Variants in KAZN observed in about 807,000 individuals in gnomAD.
KAZN encodes kazrin.
KAZN carries 40 observed loss-of-function variants against 87.4 expected under a neutral mutation model. The ratio of observed to expected loss-of-function variants is 0.46; its 90% confidence interval spans 0.36 to 0.60. The LOEUF is 0.60. KAZN is among the 20% of genes least tolerant of loss of function. KAZN has a pLI of 0.00. For synonymous variants in KAZN, 466 were observed against 458.3 expected, an observed-to-expected ratio of 1.02 and a Z score of -0.22; for missense variants, 898 against 1,073.9, an observed-to-expected ratio of 0.84 and a Z score of 2.29.
intron 2 of KAZN, among the ~76,000 whole-genome samples, chr1:14,291,401 C>T (rs1442680288): frequency 6.6e-6 from 1 of 152,212 alleles, no homozygotes; most frequent in Non-Finnish European, 1.5e-5. Flanking sequence ...GTGGACACCC[C>T]TCCCCCAGCC....
At chr1:14,180,150 C>T (rs1309998680) in intron 1 of KAZN, among the ~76,000 whole-genome samples, 1 of 151,800 alleles carries the variant, frequency 6.6e-6, no homozygotes, top group Non-Finnish European at 1.5e-5. Context: ...TAAGTTTCTG[C>T]AACAGGACTA....
At chr1:14,142,374 A>G (rs1051345207) in intron 1 of KAZN, among the ~76,000 whole-genome samples, 2 of 152,252 alleles carry the variant, frequency 1.3e-5, no homozygotes, top group Non-Finnish European at 1.5e-5. Flanking sequence ...TGTTCCTAAC[A>G]GCAAATGTAA....
At chr1:14,216,837 GA>G in intron 2 of KAZN, among the ~76,000 whole-genome samples, 1 of 152,278 alleles carries the variant, frequency 6.6e-6, no homozygotes, top group South Asian at 2.1e-4. Flanking sequence ...CCAGGAGGCG[GA>G]GGCTTCAGTG....
At chr1:14,150,568 C>T (rs533616676) in intron 1 of KAZN, among the ~76,000 whole-genome samples, 1 of 152,156 alleles carries the variant, frequency 6.6e-6, no homozygotes, top group African/African-American at 2.4e-5. Flanking sequence ...TTACATCTTG[C>T]ATGTGATACA....
In KAZN at chr1:14,694,350, G is replaced by T. The variant is rs144241758; in HGVS notation, c.226+95127G>T. ...AAAGGAAGAAGGAAAACTGCATCTA[G>T]AAAATACTTTTTTAAGTTGGAGGGT... is the stretch of plus-strand genomic sequence containing the variant. On this transcript the variant is annotated intron_variant, in intron 1 of 14. Transcript: ENST00000376030. 8.2e-3 allele frequency among the ~76,000 whole-genome samples: 1,250 copies of T among 152,352 alleles called. 22 individuals carry two copies. Among genetic ancestry groups the T allele is most frequent in the African/African-American group, 0.028 (1,173 of 41,582 alleles).
rs539241295 is a variant in KAZN at position 14,681,413 on chromosome 1, G to A, written c.226+82190G>A. Among the ~76,000 whole-genome samples the A allele has an allele frequency of 6.6e-5, 10 of 151,176 alleles. No homozygotes were observed. In the South Asian group the frequency reaches 1.0e-3, roughly 16 times the overall value. On this transcript the variant is annotated intron_variant, in intron 1 of 14. Coordinates refer to ENST00000376030, the MANE Select transcript of KAZN (RefSeq NM_201628.3). Reference sequence around the variant, plus strand: ...TAGGACTGGAATGGTGAGGTTGCCCGTGGGTGACTCATTGCAGCCAGCCCA... The same window carrying A: ...TAGGACTGGAATGGTGAGGTTGCCCATGGGTGACTCATTGCAGCCAGCCCA...
intron 1 of KAZN, among the ~76,000 whole-genome samples, chr1:14,708,676 G>A (rs1043556769): frequency 3.3e-5 from 5 of 152,168 alleles, no homozygotes; most frequent in South Asian, 2.1e-4. Context: ...GAACAGCCCC[G>A]GCTTCAGATC....
At chr1:14,520,905 C>T (rs1463086315) in intron 2 of KAZN, among the ~76,000 whole-genome samples, 1 of 152,232 alleles carries the variant, frequency 6.6e-6, no homozygotes, top group Non-Finnish European at 1.5e-5. Flanking sequence ...ATCCATCCAG[C>T]TCCATTCCCT....
chr1:13,937,274 G>A (rs906738643), intron 1 of KAZN, among the ~76,000 whole-genome samples: 3 of 152,112 alleles, frequency 2.0e-5, no homozygotes, highest in Admixed American at 6.5e-5. Flanking sequence ...TTGAACTCCC[G>A]ACCTCGTGAT....
At chr1:14,896,333 G>A (rs938955932) in intron 1 of KAZN, among the ~76,000 whole-genome samples, 26 of 152,176 alleles carry the variant, frequency 1.7e-4, no homozygotes, top group Admixed American at 3.3e-4. Context: ...GATTACAGGC[G>A]TGAGCCACTG....
chr1:14,350,106 C>G (rs1658422059), intron 2 of KAZN, among the ~76,000 whole-genome samples: 1 of 148,024 alleles, frequency 6.8e-6, no homozygotes, highest in Non-Finnish European at 1.5e-5. Context: ...TGCACTCCAG[C>G]CTGGGCAACA....
chr1:14,453,518 C>A (rs1342566380), intron 2 of KAZN, among the ~76,000 whole-genome samples: 1 of 152,146 alleles, frequency 6.6e-6, no homozygotes, highest in Non-Finnish European at 1.5e-5. Context: ...ATAATGCCTG[C>A]TCCACCATGT....
intron 2 of KAZN, among the ~76,000 whole-genome samples, chr1:14,309,860 T>C (rs1003387333): frequency 6.6e-6 from 1 of 151,552 alleles, no homozygotes; most frequent in Middle Eastern, 3.2e-3. Context: ...CATGAACGAC[T>C]GCACCTGGCC....
At chr1:14,409,853 C>G (rs529016180) in intron 2 of KAZN, among the ~76,000 whole-genome samples, 2 of 152,098 alleles carry the variant, frequency 1.3e-5, no homozygotes, top group East Asian at 3.9e-4. Context: ...TAAGCTAGAC[C>G]ATCAAAAAAC....
intron 4 of KAZN, 116 bp from the exon 5 acceptor site, chr1:15,055,975 A>G (rs1638239856): frequency 5.0e-6 from 5 of 991,932 alleles, no homozygotes; most frequent in Non-Finnish European, 7.6e-6. Context: ...CCGAGCCAGC[A>G]ATACCCGGTG....
chr1:14,648,426 G>C (rs557906713), intron 1 of KAZN, among the ~76,000 whole-genome samples: 2 of 152,234 alleles, frequency 1.3e-5, no homozygotes, highest in Non-Finnish European at 2.9e-5. Flanking sequence ...AGTGAGCATC[G>C]ATTCTTTGAT....
chr1:14,121,739 G>A (rs1233183129), intron 1 of KAZN, among the ~76,000 whole-genome samples: 3 of 152,208 alleles, frequency 2.0e-5, no homozygotes, highest in East Asian at 1.9e-4. Context: ...TGTAAGTTCT[G>A]TGAAAAAGAA....
chr1:15,076,247 G>T (rs971450407), intron 8 of KAZN, among the ~76,000 whole-genome samples: 1 of 152,210 alleles, frequency 6.6e-6, no homozygotes, highest in African/African-American at 2.4e-5. Flanking sequence ...ATGGCAGCTT[G>T]AGTGTGTGAG....
chr1:14,556,616 T>G (rs1224387654), intron 2 of KAZN, among the ~76,000 whole-genome samples: 15 of 152,174 alleles, frequency 9.9e-5, no homozygotes, highest in Admixed American at 9.8e-4. Context: ...TTTTTCAGTT[T>G]GTATTCTGTT....
Sources: allele counts gnomAD v4.1 joint callset (sites outside exome capture counted in the v4.1 genomes callset), GRCh38; gene constraint gnomAD v4.1.1; transcripts MANE v1.5; gene names NCBI Gene and HGNC (gene_info 2026-07-23, HGNC 2026-07-21).